CTNNA3: variants seen among roughly 807,000 people sequenced by gnomAD.
CTNNA3 encodes the protein catenin alpha-3.
Under a neutral mutation model 95.7 loss-of-function variants are expected in CTNNA3, and 76 were observed. That is an observed-to-expected ratio of 0.79 (90% CI 0.66 to 0.96). The LOEUF (loss-of-function observed/expected upper bound fraction) is 0.96, where lower values mean the gene tolerates loss of function less well. Among genes scored for constraint, CTNNA3 ranks in the 40% least tolerant of loss-of-function variants. The probability of loss-of-function intolerance (pLI) is 0.00; values close to 1 mark genes in which losing one functional copy is unlikely to be tolerated. For missense variants in CTNNA3, 1,191 were observed against 1,089.8 expected, an observed-to-expected ratio of 1.09 and a Z score of -1.31; for synonymous variants, 431 against 374.4, an observed-to-expected ratio of 1.15 and a Z score of -1.74.
intron 7 of CTNNA3, among the ~76,000 whole-genome samples, chr10:66,795,907 C>T (rs73310877): frequency 0.24 from 35,819 of 151,994 alleles, 4,733 homozygotes; most frequent in African/African-American, 0.37. Flanking sequence ...ACTTTTCTTC[C>T]GCAGCATCCT....
At chr10:66,595,954 C>T (rs773274439) in intron 10 of CTNNA3, among the ~76,000 whole-genome samples, 1 of 152,006 alleles carries the variant, frequency 6.6e-6, no homozygotes, top group Non-Finnish European at 1.5e-5. Flanking sequence ...CCATGCCCAG[C>T]CTCCTTGTTG....
At chr10:67,514,082 G>A (rs938909805) in intron 5 of CTNNA3, among the ~76,000 whole-genome samples, 5 of 151,982 alleles carry the variant, frequency 3.3e-5, no homozygotes, top group African/African-American at 7.2e-5. Context: ...AGGCTGAGAC[G>A]GGTGAATCGA....
intron 7 of CTNNA3, among the ~76,000 whole-genome samples, chr10:66,934,460 C>T (rs1847581030): frequency 6.6e-6 from 1 of 152,100 alleles, no homozygotes; most frequent in Non-Finnish European, 1.5e-5. Context: ...AGAAAAGTTA[C>T]ACACTTGCAT....
chr10:66,573,911 C>T (rs980297229), intron 10 of CTNNA3, among the ~76,000 whole-genome samples: 84 of 152,058 alleles, frequency 5.5e-4, no homozygotes, highest in African/African-American at 1.6e-3. Context: ...AAAAGCTGTA[C>T]TACTGATGTA....
At chr10:66,795,653 C>G (rs1270287033) in intron 7 of CTNNA3, among the ~76,000 whole-genome samples, 4 of 152,134 alleles carry the variant, frequency 2.6e-5, no homozygotes, top group African/African-American at 7.2e-5. Context: ...AGATTTGAAG[C>G]CAGGCATTGA....
At chr10:66,347,614 A>T (rs2092534028) in intron 12 of CTNNA3, among the ~76,000 whole-genome samples, 1 of 148,034 alleles carries the variant, frequency 6.8e-6, no homozygotes, top group African/African-American at 2.5e-5. Context: ...AACCTATCTT[A>T]AAAAAAAAAG....
intron 17 of CTNNA3, among the ~76,000 whole-genome samples, chr10:65,942,444 G>A (rs868808769): frequency 3.9e-5 from 6 of 152,136 alleles, no homozygotes; most frequent in East Asian, 1.9e-4. Context: ...CAGGAGAATC[G>A]CTTGAACCCA....
At chr10:66,407,842 G>T (rs1214496395) in intron 11 of CTNNA3, among the ~76,000 whole-genome samples, 1 of 152,138 alleles carries the variant, frequency 6.6e-6, no homozygotes, top group Non-Finnish European at 1.5e-5. Context: ...GCCTCCCAAA[G>T]TGCTGGGATT....
At position 67,503,905 on chromosome 10, in the gene CTNNA3, C is replaced by T. The variant is rs529102035; in HGVS notation, c.579+17937G>A. On this transcript the variant is annotated intron_variant, in intron 5 of 17. Transcript: ENST00000433211. ...AGGCGCGGTGGCTCATGCCTGTAAT[C>T]CCAGCACTTTGGGAGGCCAAGGCGG... 1.1e-4 allele frequency among the ~76,000 whole-genome samples: 16 copies of T among 152,302 alleles called. No homozygotes were observed. The East Asian group carries it at 2.9e-3, about 28-fold the overall frequency.
chr10:66,763,167 C>T (rs7088152), intron 9 of CTNNA3, among the ~76,000 whole-genome samples: 1 of 151,714 alleles, frequency 6.6e-6, no homozygotes, highest in Non-Finnish European at 1.5e-5. Context: ...CTATTTTCCA[C>T]GAGTCTATCA....
chr10:67,762,863 C>T (rs375122903), intron 1 of CTNNA3, among the ~76,000 whole-genome samples: 2 of 152,074 alleles, frequency 1.3e-5, no homozygotes, highest in East Asian at 1.9e-4. Context: ...TTCTAATTAC[C>T]GGTGCATGCA....
chr10:67,548,747 T>A (rs1205700319), intron 3 of CTNNA3, among the ~76,000 whole-genome samples: 3 of 151,732 alleles, frequency 2.0e-5, no homozygotes, highest in Non-Finnish European at 2.9e-5. Context: ...ATAAAAAAAA[T>A]TGATGAACTG....
At chr10:66,358,315 T>C (rs1345335965) in intron 12 of CTNNA3, among the ~76,000 whole-genome samples, 1 of 151,998 alleles carries the variant, frequency 6.6e-6, no homozygotes, top group African/African-American at 2.4e-5. Context: ...ACTTCCCAGA[T>C]TCAGCTTGCA....
At chr10:66,805,461 T>G (rs910737524) in intron 7 of CTNNA3, among the ~76,000 whole-genome samples, 1 of 150,110 alleles carries the variant, frequency 6.7e-6, no homozygotes, top group East Asian at 1.9e-4. Context: ...TCACTTTCTG[T>G]CTCTAGATTC....
At chr10:66,647,382 G>T (rs566417978) in intron 9 of CTNNA3, among the ~76,000 whole-genome samples, 1 of 152,182 alleles carries the variant, frequency 6.6e-6, no homozygotes, top group African/African-American at 2.4e-5. Context: ...AAAATACTTT[G>T]GGAACAGGCA....
At chr10:66,495,337 A>T (rs1223568049) in intron 11 of CTNNA3, among the ~76,000 whole-genome samples, 1 of 152,204 alleles carries the variant, frequency 6.6e-6, no homozygotes, top group Admixed American at 6.5e-5. Context: ...ATAAATGTAA[A>T]GGAAGCTGAT....
At position 67,183,240 on chromosome 10, in the gene CTNNA3, G is replaced by A. The variant is rs186760968; in HGVS notation, c.844-2720C>T. ...TGCTGCTATAAAAACACATGCACAT[G>A]TATGTTTATTGCGGCACTATTCACA... On this transcript the variant is annotated intron_variant, in intron 6 of 17. Coordinates refer to ENST00000433211, the MANE Select transcript of CTNNA3 (RefSeq NM_013266.4). Among the ~76,000 whole-genome samples the A allele has an allele frequency of 3.4e-3, 511 of 152,282 alleles. 4 individuals carry two copies. In the East Asian group the frequency reaches 0.037, roughly 11 times the overall value.
intron 7 of CTNNA3, among the ~76,000 whole-genome samples, chr10:66,896,817 G>C (rs1397613419): frequency 6.6e-6 from 1 of 151,994 alleles, no homozygotes; most frequent in African/African-American, 2.4e-5. Context: ...CTTTAACCTG[G>C]TTAACTTCTG....
Position 66,419,544 on chromosome 10 carries a change from C to G in CTNNA3, c.1532-40192G>C, listed in dbSNP as rs61345333. ...TCACAGAATAGAAAAAACAATCCTA[C>G]AATTCATTTGAAACCAAAAAATAAC... On this transcript the variant is annotated intron_variant, in intron 11 of 17. Transcript: ENST00000433211. 4.4e-3 allele frequency among the ~76,000 whole-genome samples: 669 copies of G among 152,124 alleles called. 3 individuals carry two copies. Among genetic ancestry groups the G allele is most frequent in the African/African-American group, 0.015 (640 of 41,520 alleles).
Sources: allele counts gnomAD v4.1 joint callset (sites outside exome capture counted in the v4.1 genomes callset), GRCh38; gene constraint gnomAD v4.1.1; transcripts MANE v1.5; gene names NCBI Gene and HGNC (gene_info 2026-07-23, HGNC 2026-07-21).